The following FNDC3B variants were observed in gnomAD, a reference collection of about 807,000 sequenced individuals.
FNDC3B encodes the protein fibronectin type III domain containing 3B.
In FNDC3B, 12 loss-of-function variants were observed where a neutral mutation model predicts 151.5. That is an observed-to-expected ratio of 0.08 (90% CI 0.05 to 0.13). The LOEUF (loss-of-function observed/expected upper bound fraction) is 0.13. Ranked by LOEUF, FNDC3B falls within the 10% of genes least tolerant of loss-of-function variation. The pLI is 1.00. For synonymous variants in FNDC3B, 528 were observed against 549.0 expected, an observed-to-expected ratio of 0.96 and a Z score of 0.54; for missense variants, 1,214 against 1,505.3, an observed-to-expected ratio of 0.81 and a Z score of 3.20.
At chr3:172,071,894 A>G (rs140064021) in intron 1 of FNDC3B, among the ~76,000 whole-genome samples, 300 of 152,082 alleles carry the variant, frequency 2.0e-3, no homozygotes, top group African/African-American at 6.8e-3. Context: ...TTTTACAGAT[A>G]GAAACTGAGA....
intron 19 of FNDC3B, among the ~76,000 whole-genome samples, chr3:172,345,151 G>A (rs1733540546): frequency 6.6e-6 from 1 of 152,216 alleles, no homozygotes; most frequent in African/African-American, 2.4e-5. Context: ...CTATTCCTTA[G>A]GCAGAGTGCC....
In FNDC3B at chr3:172,139,756, T is replaced by TCAAGGCAG. The variant is rs1445217536; in HGVS notation, c.187+6210_187+6211insCAAGGCAG. Among the ~76,000 whole-genome samples the TCAAGGCAG allele has an allele frequency of 5.0e-4, 76 of 152,150 alleles. 2 individuals carry two copies. The highest frequency in any genetic ancestry group is 1.8e-3 in the African/African-American group (74 of 41,520). On this transcript the variant is annotated intron_variant, in intron 3 of 25. Coordinates refer to ENST00000415807, the MANE Select transcript of FNDC3B (RefSeq NM_022763.4). ...AAACTGCCTTGAAAACCATTTCTTTTTTTTTTTGTTTTTTGAGACAGGGTA... is the reference window on the plus strand; with the variant it reads ...AAACTGCCTTGAAAACCATTTCTTTTCAAGGCAGTTTTTTTGTTTTTTGAGACAGGGTA...
At chr3:172,127,554 T>A (rs1018779717) in intron 2 of FNDC3B, among the ~76,000 whole-genome samples, 1 of 79,670 alleles carries the variant, frequency 1.3e-5, no homozygotes, top group African/African-American at 5.0e-5. Context: ...TCTTAATCAT[T>A]GTAGAAAAAA....
intron 3 of FNDC3B, among the ~76,000 whole-genome samples, chr3:172,136,042 A>G (rs539218074): frequency 1.5e-4 from 23 of 152,328 alleles, no homozygotes; most frequent in African/African-American, 5.3e-4. Flanking sequence ...ACACATAAGG[A>G]AGCTGAGGCC....
rs145189068 is a variant in FNDC3B, at chr3:172,353,036, C to T, written c.2748C>T (p.Asn916=). The T allele has an allele frequency of 9.0e-5, 146 of 1,614,140 alleles. 3 individuals carry two copies. In the East Asian group the frequency reaches 1.4e-3, roughly 16 times the overall value. ...GAGACACTAGCATTACCGTGGGCAACACCACCATGCATGTTATGAAAGATC... is the reference window on the plus strand; with the variant it reads ...GAGACACTAGCATTACCGTGGGCAATACCACCATGCATGTTATGAAAGATC... ...DLGDTSITVG[N]TTMHVMKDLL... The change falls in exon 22 of 26, where the codon AAC becomes AAT. Residue 916 remains asparagine (N), a synonymous_variant. Transcript: ENST00000415807.
chr3:172,227,570 C>G (rs1302287444), intron 4 of FNDC3B, among the ~76,000 whole-genome samples: 1 of 152,182 alleles, frequency 6.6e-6, no homozygotes, highest in Non-Finnish European at 1.5e-5. Context: ...ATAAAATGTT[C>G]TGCATGGCTG....
chr3:172,074,613 G>C (rs556853397), intron 1 of FNDC3B, among the ~76,000 whole-genome samples: 1 of 152,150 alleles, frequency 6.6e-6, no homozygotes, highest in Non-Finnish European at 1.5e-5. Flanking sequence ...GGATGTTGCA[G>C]ATATCTTAGT....
Position 172,334,982 on chromosome 3 carries a change from C to A in FNDC3B, c.1680C>A (p.Ser560Arg). ...ATACGGAAGGAAAAAGCTGTCCAAGCGAAGTTCTTGTTTGTACGACGAGTC... is the reference window on the plus strand; with the variant it reads ...ATACGGAAGGAAAAAGCTGTCCAAGAGAAGTTCTTGTTTGTACGACGAGTC... ...ASNTEGKSCP[S>R]EVLVCTTSPD... Residue 560 changes from serine (S) to arginine (R), a missense_variant, in exon 15 of 26, where the codon AGC (serine) becomes AGA (arginine). Around this residue, in one of 7 missense-constraint regions of FNDC3B, gnomAD observed 380 missense variants for 420.9 expected, o/e 0.90. Transcript: ENST00000415807. 6.2e-7 allele frequency: 1 copy of A among 1,613,722 alleles called. No homozygotes were observed. Among genetic ancestry groups the A allele is most frequent in the Non-Finnish European group, 8.5e-7 (1 of 1,179,814 alleles).
chr3:172,236,976 A>G (rs1727198887), intron 4 of FNDC3B, among the ~76,000 whole-genome samples: 1 of 152,186 alleles, frequency 6.6e-6, no homozygotes, highest in South Asian at 2.1e-4. Context: ...AGTTGATTTC[A>G]TTTATATATG....
At chr3:172,347,178 G>T in intron 20 of FNDC3B, 34 bp from the exon 21 acceptor site, 2 of 1,581,620 alleles carry the variant, frequency 1.3e-6, no homozygotes, top group Non-Finnish European at 1.7e-6. Flanking sequence ...CTTCTCAGTG[G>T]CATTATTAAC....
intron 25 of FNDC3B, among the ~76,000 whole-genome samples, chr3:172,393,670 A>G (rs1025032262): frequency 2.0e-5 from 3 of 152,248 alleles, no homozygotes; most frequent in Non-Finnish European, 4.4e-5. Flanking sequence ...TTAAGAAACT[A>G]GAAATCAATG....
chr3:172,145,850 G>A (rs1576906662), intron 3 of FNDC3B, among the ~76,000 whole-genome samples: 1 of 108,650 alleles, frequency 9.2e-6, no homozygotes, highest in Non-Finnish European at 1.8e-5. Context: ...TTTCACTCTT[G>A]TTGCCCAGGC....
intron 1 of FNDC3B, among the ~76,000 whole-genome samples, chr3:172,100,116 A>C (rs4894805): frequency 1.3e-5 from 2 of 152,002 alleles, no homozygotes; most frequent in Non-Finnish European, 2.9e-5. Flanking sequence ...CATGCCTTTT[A>C]TACCAAAGCT....
intron 6 of FNDC3B, among the ~76,000 whole-genome samples, chr3:172,271,105 A>G (rs1469203264): frequency 6.6e-6 from 1 of 152,222 alleles, no homozygotes; most frequent in Admixed American, 6.5e-5. Context: ...TTTGTTTAGT[A>G]AGAACGAGCC....
At chr3:172,082,450 T>C (rs145574617) in intron 1 of FNDC3B, among the ~76,000 whole-genome samples, 1 of 152,346 alleles carries the variant, frequency 6.6e-6, no homozygotes, top group East Asian at 1.9e-4. Flanking sequence ...ACCAGCAAGC[T>C]ACATTTCTAA....
chr3:172,164,155 A>G (rs1408690350), intron 3 of FNDC3B, among the ~76,000 whole-genome samples: 1 of 152,214 alleles, frequency 6.6e-6, no homozygotes, highest in African/African-American at 2.4e-5. Context: ...TGAGAACTTG[A>G]TCACTTAGAT....
intron 3 of FNDC3B, among the ~76,000 whole-genome samples, chr3:172,174,414 A>C (rs757995315): frequency 1.3e-5 from 2 of 152,224 alleles, no homozygotes; most frequent in Non-Finnish European, 2.9e-5. Context: ...TAGCCTGAAC[A>C]ACATGAAAAC....
chr3:172,136,313 G>A (rs1205696992), intron 3 of FNDC3B, among the ~76,000 whole-genome samples: 1 of 152,218 alleles, frequency 6.6e-6, no homozygotes, highest in Non-Finnish European at 1.5e-5. Flanking sequence ...TAAGCTAGGG[G>A]CGAGCACTTT....
At position 172,078,084 on chromosome 3, in the gene FNDC3B, G is replaced by A. The variant is rs958527636; in HGVS notation, c.-28-34368G>A. Among the ~76,000 whole-genome samples, 9 of 152,060 alleles carry A rather than the reference G, an allele frequency of 5.9e-5. No individual in the cohort carries two copies. The South Asian group carries it at 1.0e-3, about 18-fold the overall frequency. On this transcript the variant is annotated intron_variant, in intron 1 of 25. Transcript: ENST00000415807. ...CAACCTCCATCTCCTGGGATCAAGC[G>A]ATTCTCCCGCCTCAGCCTCCCAAAT...
Sources: gnomAD v4.1 joint callset for allele counts (sites outside exome capture counted in the v4.1 genomes callset) on GRCh38, gnomAD v4.1.1 for gene constraint, gnomAD v4.1.1 regional missense constraint, MANE v1.5 for transcripts, NCBI Gene and HGNC (gene_info 2026-07-23, HGNC 2026-07-21) for gene names.